Variants in MAPKAPK5 observed in about 807,000 individuals in gnomAD.
MAPKAPK5 encodes MAP kinase-activated protein kinase 5.
In MAPKAPK5, 30 loss-of-function variants were observed where a neutral mutation model predicts 65.1. The observed-to-expected ratio is 0.46, with a 90% confidence interval of 0.34 to 0.63. MAPKAPK5 has a LOEUF of 0.63. MAPKAPK5 is among the 20% of genes least tolerant of loss of function. The pLI is 0.01. For synonymous variants in MAPKAPK5, 179 were observed against 204.6 expected, an observed-to-expected ratio of 0.87 and a Z score of 1.07; for missense variants, 433 against 581.4, an observed-to-expected ratio of 0.74 and a Z score of 2.63.
At position 111,900,559 on chromosome 12, in the gene MAPKAPK5, G is replaced by C. The variant is rs542805566; in HGVS notation, c.*7498G>C. On this transcript the variant is annotated 3_prime_UTR_variant, in exon 14 of 14. Coordinates refer to ENST00000550735, the MANE Select transcript of MAPKAPK5 (RefSeq NM_003668.4). ...AAGCCACGGCCCAGGGGCCGCAAGC[G>C]TAGGGATTCTGCCTGTGGAAATGGT... 2.4e-5 allele frequency: 11 copies of C among 456,034 alleles called. No homozygotes were observed. Among genetic ancestry groups the C allele is most frequent in the Admixed American group, 4.7e-5 (2 of 42,566 alleles). 28.2% of individuals were successfully genotyped at this position (456,034 alleles called of 1,614,324 possible).
intron 7 of MAPKAPK5, 22 bp downstream of exon 7, chr12:111,871,202 C>G (rs1266475199): frequency 6.3e-7 from 1 of 1,596,206 alleles, no homozygotes. Flanking sequence ...CGGTTTCTGT[C>G]CTAAGATCTG....
chr12:111,864,636 C>G (rs1034374449), intron 1 of MAPKAPK5, among the ~76,000 whole-genome samples: 1 of 152,152 alleles, frequency 6.6e-6, no homozygotes, highest in South Asian at 2.1e-4. Flanking sequence ...TGTAGAGGCT[C>G]TATCCTAAAC....
chr12:111,856,409 C>CTTTTT (rs1241020966), intron 1 of MAPKAPK5, among the ~76,000 whole-genome samples: 2 of 129,740 alleles, frequency 1.5e-5, no homozygotes, highest in South Asian at 2.5e-4. Flanking sequence ...TTTTTTCTTT[C>CTTTTT]TTTTTTTTTT....
Position 111,888,499 on chromosome 12 carries a change from A to G in MAPKAPK5, c.981A>G (p.Ala327=). 1 of 1,613,712 alleles carries G rather than the reference A, an allele frequency of 6.2e-7. No individual in the cohort carries two copies. Among genetic ancestry groups the G allele is most frequent in the Non-Finnish European group, 8.5e-7 (1 of 1,179,792 alleles). ...AQLMMDKAVV[A]GIQQAHAEQL... ...GTGTTTGCATTCAGGCAGTGGTTGC[A>G]GGAATCCAGCAGGCTCACGCGGAAC... The change falls in exon 11 of 14, where the codon GCA becomes GCG. Residue 327 remains alanine, a synonymous_variant. Coordinates refer to ENST00000550735, the MANE Select transcript of MAPKAPK5 (RefSeq NM_003668.4).
At chr12:111,889,939 A>G in intron 12 of MAPKAPK5, 101 bp from the exon 13 acceptor site, 1 of 723,098 alleles carries the variant, frequency 1.4e-6, no homozygotes, top group Non-Finnish European at 2.4e-6. Flanking sequence ...CATTCAGTCA[A>G]CATTTTTCAA....
At chr12:111,882,749 G>A in intron 8 of MAPKAPK5, 1 of 954,232 alleles carries the variant, frequency 1.0e-6, no homozygotes, top group Non-Finnish European at 1.2e-6. Context: ...AGTCCTTCAT[G>A]GTCAAAGGAA....
rs976534345 is a variant in MAPKAPK5 at position 111,889,769 on chromosome 12, A to G, written c.1217-271A>G. On this transcript the variant is annotated intron_variant, in intron 12 of 13. Transcript: ENST00000550735. ...GACCAGGTGTCTTTTGTTCAGCAAT[A>G]GAGTCTGCCACAGCCTATTTCCCAT... The G allele has an allele frequency of 1.5e-4, 49 of 337,740 alleles. 1 individual carries two copies. The highest frequency in any genetic ancestry group is 1.8e-4 in the Non-Finnish European group (31 of 176,906). The allele number at this position is 337,740 out of a possible 1,614,324, so 20.9% of individuals were successfully genotyped here.
Position 111,842,232 on chromosome 12 carries a change from CG to C in MAPKAPK5, c.-500del, listed in dbSNP as rs981726679. ...GCGGGGCTGCCCGGCGCGGGTGTCC[CG>C]GCGATGTGTGGCGCTGAGGCGGCGG... On this transcript the variant is annotated 5_prime_UTR_variant, in exon 1 of 14. Transcript: ENST00000550735. 6.5e-6 allele frequency: 1 copy of C among 152,920 alleles called. No individual in the cohort carries two copies. The highest frequency in any genetic ancestry group is 2.4e-5 in the African/African-American group (1 of 41,424). The allele number at this position is 152,920 out of a possible 1,614,324, so 9.5% of individuals were successfully genotyped here. A position where few individuals can be genotyped will look rare whatever the true frequency, so the allele number is the denominator to read the frequency against.
At chr12:111,849,972 C>CCAAAG (rs1323008413) in intron 1 of MAPKAPK5, among the ~76,000 whole-genome samples, 1 of 151,904 alleles carries the variant, frequency 6.6e-6, no homozygotes, top group East Asian at 1.9e-4. Flanking sequence ...AGTCGTCACA[C>CCAAAG]TTTGGCCTTC....
At position 111,894,033 on chromosome 12, in the gene MAPKAPK5, T is replaced by C; in HGVS notation, c.*972T>C. The stretch of plus-strand genomic sequence containing the variant: ...GCCCGGCCTTGGGTTTATTCTTTCT[T>C]TATATGTTTGTTTGTTTGTTTGTTT... On this transcript the variant is annotated 3_prime_UTR_variant, in exon 14 of 14. Transcript: ENST00000550735. 6.3e-6 allele frequency: 1 copy of C among 158,632 alleles called. No individual in the cohort carries two copies. The highest frequency in any genetic ancestry group is 1.4e-5 in the Non-Finnish European group (1 of 73,422). The allele number at this position is 158,632 out of a possible 1,614,324, so 9.8% of individuals were successfully genotyped here.
intron 1 of MAPKAPK5, among the ~76,000 whole-genome samples, chr12:111,856,599 G>T (rs573764927): frequency 2.6e-5 from 4 of 151,864 alleles, no homozygotes; most frequent in African/African-American, 9.7e-5. Flanking sequence ...TAGAGATGGG[G>T]TTTCACCATT....
At chr12:111,848,649 G>T (rs534671339) in intron 1 of MAPKAPK5, among the ~76,000 whole-genome samples, 1 of 151,588 alleles carries the variant, frequency 6.6e-6, no homozygotes, top group Admixed American at 6.6e-5. Context: ...CTGACCTCAG[G>T]TGATTGCCCA....
chr12:111,845,480 GTGTC>G (rs1368423377), intron 1 of MAPKAPK5, among the ~76,000 whole-genome samples: 1 of 152,124 alleles, frequency 6.6e-6, no homozygotes, highest in African/African-American at 2.4e-5. Flanking sequence ...TATTAGCCGT[GTGTC>G]TGAGTACGAC....
rs1345824294 is a variant in MAPKAPK5 at position 111,847,748 on chromosome 12, C to T, written c.36+4979C>T. Reference sequence around the variant, plus strand: ...CACTCTGGTGTATAATATTTCCATCCCTGCTAGAAAGTTCCTTCTGCCTGG... The same window carrying T: ...CACTCTGGTGTATAATATTTCCATCTCTGCTAGAAAGTTCCTTCTGCCTGG... On this transcript the variant is annotated intron_variant, in intron 1 of 13. Transcript: ENST00000550735. Among the ~76,000 whole-genome samples the T allele has an allele frequency of 2.6e-5, 4 of 152,106 alleles. No individual in the cohort carries two copies. The South Asian group carries it at 6.2e-4, about 24-fold the overall frequency.
chr12:111,870,954 A>T, intron 6 of MAPKAPK5, 131 bp from the exon 7 acceptor site: 1 of 648,450 alleles, frequency 1.5e-6, no homozygotes, highest in Non-Finnish European at 2.7e-6. Flanking sequence ...GGGACATGTT[A>T]TTTTCATAAG....
At chr12:111,885,515 A>G (rs867649991) in intron 9 of MAPKAPK5, 1 of 161,908 alleles carries the variant, frequency 6.2e-6, no homozygotes, top group African/African-American at 2.4e-5. Flanking sequence ...TGACCCTTCA[A>G]CTAATTCTGC....
At chr12:111,880,263 G>A (rs1418248633) in intron 7 of MAPKAPK5, 184 bp from the exon 8 acceptor site, 2 of 588,088 alleles carry the variant, frequency 3.4e-6, no homozygotes, top group Admixed American at 5.7e-5. Flanking sequence ...TTCCCTGGCT[G>A]ATGGATAAAT....
intron 1 of MAPKAPK5, among the ~76,000 whole-genome samples, chr12:111,854,238 TTTTTC>T (rs1313269291): frequency 1.3e-5 from 2 of 151,502 alleles, no homozygotes; most frequent in Non-Finnish European, 2.9e-5. Context: ...TTTCTTTTTC[TTTTTC>T]TTTTTTTTTT....
chr12:111,878,730 C>G (rs2070085949), intron 7 of MAPKAPK5, among the ~76,000 whole-genome samples: 1 of 152,066 alleles, frequency 6.6e-6, no homozygotes, highest in East Asian at 1.9e-4. Flanking sequence ...TAATTTTTAT[C>G]TTTTAAGCCC....
Sources: allele counts gnomAD v4.1 joint callset (sites outside exome capture counted in the v4.1 genomes callset), GRCh38; gene constraint gnomAD v4.1.1; transcripts MANE v1.5; gene names NCBI Gene and HGNC (gene_info 2026-07-23, HGNC 2026-07-21).